Variants in STX18 observed in about 807,000 individuals in gnomAD.
STX18 encodes the protein syntaxin 18.
STX18 carries 40 observed loss-of-function variants against 50.1 expected under a neutral mutation model. The observed-to-expected ratio is 0.80, with a 90% CI of 0.62 to 1.04. The LOEUF (loss-of-function observed/expected upper bound fraction) is 1.04. STX18 is among the 50% of genes least tolerant of loss of function. The pLI is 0.00. For synonymous variants in STX18, 158 were observed against 151.8 expected, an observed-to-expected ratio of 1.04 and a Z score of -0.30; for missense variants, 410 against 415.8, an observed-to-expected ratio of 0.99 and a Z score of 0.12.
At chr4:4,542,308 G>C (rs1731656455), upstream of STX18, 1 of 219,270 alleles carries the variant, frequency 4.6e-6, no homozygotes, top group Non-Finnish European at 8.9e-6. Context: ...CGGGAAGCTA[G>C]GAGGCTCCTT....
intron 5 of STX18, among the ~76,000 whole-genome samples, chr4:4,443,492 G>A (rs532423936): frequency 9.2e-5 from 14 of 152,330 alleles, no homozygotes; most frequent in African/African-American, 2.6e-4. Context: ...GAGGAACAAC[G>A]TAAGGACCCA....
chr4:4,505,489 G>A (rs560417720), intron 1 of STX18, among the ~76,000 whole-genome samples: 17 of 152,204 alleles, frequency 1.1e-4, no homozygotes, highest in South Asian at 1.0e-3. Flanking sequence ...TCCAAAACTC[G>A]AAGTATGGGG....
chr4:4,473,089 T>A (rs1728003315), intron 1 of STX18, among the ~76,000 whole-genome samples: 1 of 152,206 alleles, frequency 6.6e-6, no homozygotes, highest in Non-Finnish European at 1.5e-5. Flanking sequence ...ACAACCCTGC[T>A]GTGCTATGAT....
intron 1 of STX18, among the ~76,000 whole-genome samples, chr4:4,496,772 C>T (rs536878195): frequency 9.9e-5 from 15 of 152,284 alleles, no homozygotes; most frequent in South Asian, 2.1e-4. Flanking sequence ...AAATTACCAC[C>T]AGTCATGTTA....
At chr4:4,499,550 T>C in intron 1 of STX18, 1 of 985,430 alleles carries the variant, frequency 1.0e-6, no homozygotes, top group Non-Finnish European at 1.2e-6. Flanking sequence ...CTAGCACTGA[T>C]TAAAGCTGCA....
At chr4:4,439,299 CAT>C (rs965533913) in intron 5 of STX18, among the ~76,000 whole-genome samples, 1 of 146,656 alleles carries the variant, frequency 6.8e-6, no homozygotes, top group African/African-American at 2.7e-5. Context: ...TATACACACA[CAT>C]ACCCACACAT....
intron 1 of STX18, among the ~76,000 whole-genome samples, chr4:4,511,783 C>G (rs925186625): frequency 6.7e-6 from 1 of 148,158 alleles, no homozygotes; most frequent in African/African-American, 2.5e-5. Context: ...TTAAGGTCCT[C>G]TTAAGCATAA....
chr4:4,490,715 T>C (rs1047382764), intron 1 of STX18, among the ~76,000 whole-genome samples: 1 of 152,168 alleles, frequency 6.6e-6, no homozygotes, highest in Non-Finnish European at 1.5e-5. Context: ...TTCATCCATG[T>C]TCAGGCTGAA....
chr4:4,475,012 C>G (rs1728105939), intron 1 of STX18, among the ~76,000 whole-genome samples: 1 of 152,144 alleles, frequency 6.6e-6, no homozygotes, highest in African/African-American at 2.4e-5. Flanking sequence ...GTTTTCCATA[C>G]AAAGTTTTGA....
intron 2 of STX18, among the ~76,000 whole-genome samples, chr4:4,469,515 A>G (rs898700300): frequency 6.6e-6 from 1 of 152,170 alleles, no homozygotes; most frequent in African/African-American, 2.4e-5. Context: ...ATAGCTGGGA[A>G]TCATGAATAC....
chr4:4,511,613 C>G (rs1030223427), intron 1 of STX18, among the ~76,000 whole-genome samples: 1 of 151,834 alleles, frequency 6.6e-6, no homozygotes, highest in Non-Finnish European at 1.5e-5. Context: ...TCCTTCTAAA[C>G]CTGGGTGATG....
chr4:4,420,910 A>C lies in STX18; in HGVS notation c.866T>G (p.Val289Gly). 1 of 1,614,164 alleles carries C rather than the reference A, an allele frequency of 6.2e-7. No homozygotes were observed. Among genetic ancestry groups the C allele is most frequent in the Non-Finnish European group, 8.5e-7 (1 of 1,180,030 alleles). Reference sequence around the variant, plus strand: ...TTCCTTGATATTTTCAGTTGCCCCCACAACTAACTGGTGAATGCTGTCAAT... The same window carrying C: ...TTCCTTGATATTTTCAGTTGCCCCCCCAACTAACTGGTGAATGCTGTCAAT... The part of the protein sequence containing the change: ...AEIDSIHQLV[V>G]GATENIKEGN... The change falls in exon 10 of 11, where the codon GTG becomes GGG. Residue 289 changes from valine (V) to glycine (G), a missense_variant. Physicochemically the swap from Val to Gly is moderately radical, Grantham distance 109. Coordinates refer to ENST00000306200, the MANE Select transcript of STX18 (RefSeq NM_016930.4). This position sits in a 1 kb window ranked among gnomAD's most constrained non-coding sequence, Gnocchi z 4.3.
chr4:4,420,335 G>A lies in STX18; in HGVS notation c.913-206C>T, dbSNP rs1219157899. 3.6e-6 allele frequency: 2 copies of A among 554,518 alleles called. No homozygotes were observed. Among genetic ancestry groups the A allele is most frequent in the Non-Finnish European group, 6.5e-6 (2 of 307,978 alleles). 34.3% of individuals were successfully genotyped at this position (554,518 alleles called of 1,614,324 possible). ...TTTCCCTCTGTTTGGCCATCATTTG[G>A]GTCCTGCACAATTCTCCCTCAACAC... On this transcript the variant is annotated intron_variant, in intron 10 of 10. Transcript: ENST00000306200. The surrounding 1 kb of genome is among the most constrained non-coding windows in gnomAD (Gnocchi z 4.3).
intron 5 of STX18, among the ~76,000 whole-genome samples, chr4:4,441,482 A>G (rs1726104741): frequency 6.6e-6 from 1 of 152,202 alleles, no homozygotes; most frequent in African/African-American, 2.4e-5. Flanking sequence ...GGAAGATATA[A>G]TGAAAGAGAA....
chr4:4,425,955 C>T (rs144258411), intron 7 of STX18: 16 of 152,468 alleles, frequency 1.0e-4, no homozygotes, highest in African/African-American at 3.4e-4. Flanking sequence ...ACAGGAACAG[C>T]TCCTTGCCCT....
chr4:4,459,983 ACTT>A (rs1268399074), intron 2 of STX18, among the ~76,000 whole-genome samples: 2 of 151,962 alleles, frequency 1.3e-5, no homozygotes, highest in Admixed American at 6.6e-5. Context: ...TGCATCCCTT[ACTT>A]CTTTTAGGTG....
chr4:4,527,882 T>C (rs969312264), intron 1 of STX18, among the ~76,000 whole-genome samples: 2 of 114,406 alleles, frequency 1.7e-5, no homozygotes, highest in African/African-American at 6.8e-5. Context: ...ATATATATAT[T>C]AAAAACTACC....
chr4:4,525,841 T>C (rs1391499758), intron 1 of STX18, among the ~76,000 whole-genome samples: 4 of 152,074 alleles, frequency 2.6e-5, no homozygotes, highest in Non-Finnish European at 4.4e-5. Context: ...ATAGTAAGAA[T>C]ACAGGCAGCA....
In STX18 at chr4:4,456,731, C is replaced by T. The variant is rs1003614586; in HGVS notation, c.497+460G>A. ...TGTGGTGGCCTGCTTGTTGTGCCCT[C>T]GCTCTTCTCTCAGGAATACACTTTC... On this transcript the variant is annotated intron_variant, in intron 5 of 10. Transcript: ENST00000306200. Among the ~76,000 whole-genome samples, 7 of 152,292 alleles carry T rather than the reference C, an allele frequency of 4.6e-5. No homozygotes were observed. In the East Asian group the frequency reaches 9.6e-4, roughly 21 times the overall value.
Sources: allele counts gnomAD v4.1 joint callset (sites outside exome capture counted in the v4.1 genomes callset), GRCh38; gene constraint gnomAD v4.1.1; non-coding constraint Gnocchi (gnomAD v3.1); transcripts MANE v1.5; gene names NCBI Gene and HGNC (gene_info 2026-07-23, HGNC 2026-07-21).